Variants in KALRN observed in about 807,000 individuals in gnomAD.
KALRN encodes kalirin.
Under a neutral mutation model 353.7 loss-of-function variants are expected in KALRN, and 70 were observed. The observed-to-expected ratio is 0.20, with a 90% CI of 0.16 to 0.24. KALRN has a LOEUF of 0.24. Among genes scored for constraint, KALRN ranks in the 10% least tolerant of loss-of-function variants. KALRN has a pLI of 1.00. For synonymous variants in KALRN, 1,391 were observed against 1,434.8 expected (o/e 0.97, Z 0.69); for missense variants, 2,791 against 3,756.7 (o/e 0.74, Z 6.72).
intron 1 of KALRN, among the ~76,000 whole-genome samples, chr3:124,159,459 A>T (rs1006652288): frequency 1.3e-5 from 2 of 151,604 alleles, no homozygotes; most frequent in African/African-American, 4.9e-5. Context: ...TTTTGTAGAG[A>T]TGGGGTTTTG....
chr3:124,555,461 A>C (rs1245790273), intron 33 of KALRN, among the ~76,000 whole-genome samples: 1 of 147,156 alleles, frequency 6.8e-6, no homozygotes, highest in Non-Finnish European at 1.5e-5. Context: ...AAATAAATAA[A>C]TAAAGTTATC....
At chr3:124,662,090 G>A (rs1191960566) in intron 45 of KALRN, among the ~76,000 whole-genome samples, 162 bp downstream of exon 45, 3 of 151,684 alleles carry the variant, frequency 2.0e-5, no homozygotes, top group African/African-American at 7.3e-5. Context: ...CCTGGAAGAT[G>A]CATCTCTTTA....
intron 10 of KALRN, among the ~76,000 whole-genome samples, chr3:124,373,727 G>T (rs939299453): frequency 1.3e-5 from 2 of 152,082 alleles, no homozygotes; most frequent in Admixed American, 1.3e-4. Flanking sequence ...ATGAACACCA[G>T]TCATACCACA....
At chr3:124,289,184 G>T (rs904631914) in intron 5 of KALRN, among the ~76,000 whole-genome samples, 8 of 152,022 alleles carry the variant, frequency 5.3e-5, no homozygotes, top group Admixed American at 3.9e-4. Context: ...ATCATGGGGG[G>T]GGTCCCACTT....
chr3:124,293,873 G>T (rs2149167494), intron 5 of KALRN, among the ~76,000 whole-genome samples: 1 of 152,286 alleles, frequency 6.6e-6, no homozygotes, highest in South Asian at 2.1e-4. Flanking sequence ...AGGGAGCTTA[G>T]AAAGAGTCCA....
At chr3:124,515,567 A>G (rs1281962269) in intron 33 of KALRN, among the ~76,000 whole-genome samples, 1 of 152,236 alleles carries the variant, frequency 6.6e-6, no homozygotes, top group Non-Finnish European at 1.5e-5. Context: ...TAGAATTACC[A>G]GGCAAATATT....
In KALRN at chr3:124,671,767, C is replaced by T. The variant is rs139050770; in HGVS notation, c.6811C>T (p.Pro2271Ser). The stretch of plus-strand genomic sequence containing the variant: ...CAGCCCCAGGCCCTACTCCTCTGTT[C>T]CTGCGGGCTCAGAGAAGCCCCCAAA... ...QASPRPYSSV[P>S]AGSEKPPKGS... Residue 2271 changes from proline (P) to serine (S), a missense_variant, in exon 48 of 60, where the codon CCT (proline) becomes TCT (serine). Transcript: ENST00000682506. 4 of 1,613,908 alleles carry T rather than the reference C, an allele frequency of 2.5e-6. No homozygotes were observed. In the African/African-American group the frequency reaches 4.0e-5, roughly 16 times the overall value.
In KALRN at chr3:124,667,080, GAC is replaced by G; in HGVS notation, c.6601_6602del (p.Thr2201PhefsTer2). On this transcript the variant is annotated frameshift_variant, in exon 47 of 60. Transcript: ENST00000682506. LOFTEE classifies it high-confidence loss of function. ...PCKFALMNRE[T>X]SERVVLQAAN... is the part of the protein sequence containing the mutation. ...GCAAGTTTGCACTCATGAACAGAGAGACTTCTGAGAGGGTTGTTCTGCAAGCC... is the reference window on the plus strand; with the variant it reads ...GCAAGTTTGCACTCATGAACAGAGAGTTCTGAGAGGGTTGTTCTGCAAGCC... The G allele has an allele frequency of 1.2e-6, 2 of 1,614,234 alleles. No homozygotes were observed. Among genetic ancestry groups the G allele is most frequent in the Non-Finnish European group, 1.7e-6 (2 of 1,180,032 alleles).
rs189464831 is a variant in KALRN at position 124,586,453 on chromosome 3, G to C, written c.5182+23364G>C. 7.8e-3 allele frequency among the ~76,000 whole-genome samples: 1,182 copies of C among 151,934 alleles called. 11 individuals carry two copies. Among genetic ancestry groups the C allele is most frequent in the African/African-American group, 0.026 (1,075 of 41,202 alleles). ...GTGACAGCCCTGGCTGCCCTTCAGG[G>C]TAACTCTCTGGGCGTCTTGCTGGCC... On this transcript the variant is annotated intron_variant, in intron 34 of 59. Transcript: ENST00000682506.
At chr3:124,324,713 G>T (rs1296720161) in intron 6 of KALRN, among the ~76,000 whole-genome samples, 1 of 152,180 alleles carries the variant, frequency 6.6e-6, no homozygotes, top group Non-Finnish European at 1.5e-5. Flanking sequence ...CCAGGTTTGG[G>T]ATGGTGTGCT....
intron 5 of KALRN, among the ~76,000 whole-genome samples, chr3:124,276,138 A>G (rs2074699911): frequency 6.6e-6 from 1 of 152,178 alleles, no homozygotes; most frequent in South Asian, 2.1e-4. Flanking sequence ...TCCTATGGCA[A>G]TGTTTATGCA....
chr3:124,055,576 G>C (rs1374631016), intron 1 of KALRN, among the ~76,000 whole-genome samples: 1 of 152,166 alleles, frequency 6.6e-6, no homozygotes, highest in Non-Finnish European at 1.5e-5. Context: ...GCATTGAATA[G>C]GCCTGTTTGT....
intron 10 of KALRN, among the ~76,000 whole-genome samples, chr3:124,369,983 A>C (rs1461387637): frequency 6.6e-6 from 1 of 152,130 alleles, no homozygotes; most frequent in African/African-American, 2.4e-5. Flanking sequence ...ATTTTATTGT[A>C]TTTTATTGCT....
chr3:124,355,028 C>A (rs1222506948), intron 10 of KALRN, among the ~76,000 whole-genome samples: 2 of 152,178 alleles, frequency 1.3e-5, no homozygotes. Context: ...AAACTATGGT[C>A]ATAGTGGGAG....
chr3:124,552,460 C>T (rs1039879895), intron 33 of KALRN, among the ~76,000 whole-genome samples: 1 of 152,184 alleles, frequency 6.6e-6, no homozygotes, highest in Non-Finnish European at 1.5e-5. Context: ...CTATGTGTGA[C>T]TGGATACCTT....
chr3:124,371,825 A>G (rs1046528707), intron 10 of KALRN, among the ~76,000 whole-genome samples: 2 of 152,200 alleles, frequency 1.3e-5, no homozygotes, highest in African/African-American at 4.8e-5. Context: ...TTGTTTTAAG[A>G]TATACAATAA....
chr3:124,585,672 T>G (rs914240697), intron 34 of KALRN, among the ~76,000 whole-genome samples: 1 of 152,110 alleles, frequency 6.6e-6, no homozygotes, highest in African/African-American at 2.4e-5. Flanking sequence ...CCTTCCCAAA[T>G]AGGATAAGCA....
chr3:124,319,036 AT>A (rs1200979772), intron 6 of KALRN, among the ~76,000 whole-genome samples: 1 of 152,168 alleles, frequency 6.6e-6, no homozygotes, highest in Non-Finnish European at 1.5e-5. Context: ...AAACCTGCTT[AT>A]TCTACTATAT....
At chr3:124,496,012 T>TATATAGACAC (rs1345047394) in intron 32 of KALRN, among the ~76,000 whole-genome samples, 2 of 43,696 alleles carry the variant, frequency 4.6e-5, no homozygotes, top group African/African-American at 2.4e-4. Context: ...TATATATATA[T>TATATAGACAC]ACACACACAT....
Sources: allele counts gnomAD v4.1 joint callset (sites outside exome capture counted in the v4.1 genomes callset), GRCh38; gene constraint gnomAD v4.1.1; transcripts MANE v1.5; gene names NCBI Gene and HGNC (gene_info 2026-07-23, HGNC 2026-07-21).